The following VIPR1 variants were observed in gnomAD, a reference collection of about 807,000 sequenced individuals.
The protein encoded by VIPR1 is vasoactive intestinal peptide receptor 1.
Under a neutral mutation model 58.8 loss-of-function variants are expected in VIPR1, and 59 were observed. That is an observed-to-expected ratio of 1.00 (90% CI 0.81 to 1.25). The LOEUF (loss-of-function observed/expected upper bound fraction) is 1.25, where lower values mean the gene tolerates loss of function less well. VIPR1 is among the 50% of genes most tolerant of loss of function. The probability of loss-of-function intolerance (pLI) is 0.00; values close to 1 mark genes in which losing one functional copy is unlikely to be tolerated. For synonymous variants in VIPR1, 251 were observed against 242.1 expected, an observed-to-expected ratio of 1.04 and a Z score of -0.34; for missense variants, 626 against 602.7, an observed-to-expected ratio of 1.04 and a Z score of -0.40.
intron 1 of VIPR1, 108 bp from the exon 2 acceptor site, chr3:42,513,641 G>C: frequency 1.7e-6 from 2 of 1,189,752 alleles, no homozygotes; most frequent in Non-Finnish European, 2.4e-6. Flanking sequence ...GGTTCCATCT[G>C]GAACTTGGAT....
intron 6 of VIPR1, chr3:42,529,983 C>T (rs530814053): frequency 2.0e-5 from 3 of 152,472 alleles, no homozygotes; most frequent in Admixed American, 6.5e-5. Flanking sequence ...CCTCTTCCAC[C>T]CTCTTCTCAG....
chr3:42,514,269 C>T (rs1219320650), intron 2 of VIPR1, among the ~76,000 whole-genome samples: 1 of 151,958 alleles, frequency 6.6e-6, no homozygotes, highest in Non-Finnish European at 1.5e-5. Context: ...GGAGAATTAG[C>T]CCCATAACAC....
intron 6 of VIPR1, chr3:42,528,491 T>G (rs765125896): frequency 4.2e-5 from 10 of 240,126 alleles, no homozygotes; most frequent in Non-Finnish European, 6.6e-5. Flanking sequence ...GTGCAAGGAA[T>G]TCCAAGATTC....
chr3:42,531,702 A>G (rs1701564626), intron 8 of VIPR1, 101 bp from the exon 9 acceptor site: 2 of 1,568,910 alleles, frequency 1.3e-6, no homozygotes, highest in Non-Finnish European at 8.8e-7. Context: ...CGGGGTTGCT[A>G]AAGTGCTCAG....
intron 5 of VIPR1, chr3:42,527,750 C>A (rs1487337138): frequency 1.1e-5 from 7 of 649,992 alleles, no homozygotes; most frequent in Non-Finnish European, 1.8e-5. Flanking sequence ...GGCCTGCACA[C>A]AGGAATGAGG....
At position 42,519,409 on chromosome 3, in the gene VIPR1, C is replaced by G; in HGVS notation, c.292+79C>G. The G allele has an allele frequency of 2.3e-6, 3 of 1,325,522 alleles. No individual in the cohort carries two copies. The South Asian group carries it at 4.5e-5, about 20-fold the overall frequency. The allele number at this position is 1,325,522 out of a possible 1,614,324, so 82.1% of individuals were successfully genotyped here. On this transcript the variant is annotated intron_variant, in intron 3 of 12. Transcript: ENST00000325123. ...CTCACCTCTCAAGGAAGTGGAAAGG[C>G]AAAGGAAAGTGGTCAAAGAGGCTGG...
intron 2 of VIPR1, among the ~76,000 whole-genome samples, chr3:42,518,863 C>T (rs1700765274): frequency 6.6e-6 from 1 of 152,204 alleles, no homozygotes; most frequent in African/African-American, 2.4e-5. Context: ...GAATGTGAGA[C>T]AATTCATCAT....
At chr3:42,531,357 C>A in intron 7 of VIPR1, 114 bp from the exon 8 acceptor site, 1 of 1,132,308 alleles carries the variant, frequency 8.8e-7, no homozygotes, top group Non-Finnish European at 1.3e-6. Context: ...ACTGACAACC[C>A]ACCCTTTTCT....
At chr3:42,531,399 A>G in intron 7 of VIPR1, 72 bp from the exon 8 acceptor site, 1 of 1,492,262 alleles carries the variant, frequency 6.7e-7, no homozygotes, top group Non-Finnish European at 9.1e-7. Context: ...TTTCTCCAAA[A>G]TCTCTCCCTC....
upstream of VIPR1, chr3:42,501,913 C>T (rs1488150289): frequency 6.6e-6 from 1 of 152,218 alleles, no homozygotes; most frequent in Non-Finnish European, 1.5e-5. The surrounding 1 kb of genome is among the most constrained non-coding windows in gnomAD (Gnocchi z 4.8). Flanking sequence ...GGTGCGGACA[C>T]CTCATCCTCC....
chr3:42,497,424 A>G (rs893523928), intron 1 of VIPR1, among the ~76,000 whole-genome samples: 1 of 152,022 alleles, frequency 6.6e-6, no homozygotes, highest in African/African-American at 2.4e-5. Flanking sequence ...GCACACACTC[A>G]CATGCTCTTA....
chr3:42,531,133 C>A, intron 7 of VIPR1: 1 of 690,670 alleles, frequency 1.4e-6, no homozygotes, highest in South Asian at 1.9e-5. Flanking sequence ...GCAGCTGCAC[C>A]TAGGGCTGAC....
chr3:42,525,735 T>G (rs1577240288), intron 3 of VIPR1, 152 bp from the exon 4 acceptor site: 1 of 721,088 alleles, frequency 1.4e-6, no homozygotes, highest in South Asian at 1.9e-5. Context: ...GCCCCCACGG[T>G]GCCCTGGGTA....
upstream of VIPR1, among the ~76,000 whole-genome samples, chr3:42,501,313 C>T (rs531309671): frequency 7.3e-4 from 111 of 152,216 alleles, no homozygotes; most frequent in Non-Finnish European, 1.4e-3. This position sits in a 1 kb window ranked among gnomAD's most constrained non-coding sequence, Gnocchi z 4.8. Flanking sequence ...CCTGGTGGGT[C>T]CTCAGGGAGC....
At chr3:42,516,540 T>G (rs147347587) in intron 2 of VIPR1, 10 of 152,408 alleles carry the variant, frequency 6.6e-5, no homozygotes, top group African/African-American at 2.2e-4. Context: ...TCTGTCCCAC[T>G]GCAGTGAAGC....
chr3:42,499,134 C>A (rs1460289279), upstream of VIPR1, among the ~76,000 whole-genome samples: 3 of 152,192 alleles, frequency 2.0e-5, no homozygotes, highest in African/African-American at 7.2e-5. Flanking sequence ...GTGGCTCTGG[C>A]AGGGGAATCC....
In VIPR1 at chr3:42,502,670, G is replaced by T. The variant is rs1486194135; in HGVS notation, c.-66G>T. 52 of 1,199,742 alleles carry T rather than the reference G, an allele frequency of 4.3e-5. No individual in the cohort carries two copies. The Admixed American group carries it at 2.0e-3, about 45-fold the overall frequency. 74.3% of individuals were successfully genotyped at this position (1,199,742 alleles called of 1,614,324 possible). On this transcript the variant is annotated 5_prime_UTR_variant, in exon 1 of 13. Transcript: ENST00000325123. ...TCTGCCAGGCTCCCGGCCATCGCCC[G>T]CCTGGTGCGCCGCCCGCCAGCTCTT...
intron 2 of VIPR1, among the ~76,000 whole-genome samples, chr3:42,515,941 G>A (rs1257688827): frequency 2.6e-5 from 4 of 152,194 alleles, no homozygotes; most frequent in Non-Finnish European, 2.9e-5. Context: ...CTCTCTGAAT[G>A]TATGTCTCTG....
chr3:42,523,490 TG>T (rs1458480198), intron 3 of VIPR1, among the ~76,000 whole-genome samples: 1 of 152,168 alleles, frequency 6.6e-6, no homozygotes, highest in Non-Finnish European at 1.5e-5. Flanking sequence ...TGTGTGACCA[TG>T]GGCAAATGAC....
Sources: allele counts gnomAD v4.1 joint callset (sites outside exome capture counted in the v4.1 genomes callset), GRCh38; gene constraint gnomAD v4.1.1; non-coding constraint Gnocchi (gnomAD v3.1); transcripts MANE v1.5; gene names NCBI Gene and HGNC (gene_info 2026-07-23, HGNC 2026-07-21).